The following PTPRT variants were observed in gnomAD, a reference collection of about 807,000 sequenced individuals.
PTPRT encodes the protein receptor-type tyrosine-protein phosphatase T.
PTPRT carries 56 observed loss-of-function variants against 176.8 expected under a neutral mutation model. That is an observed-to-expected ratio of 0.32 (90% CI 0.26 to 0.40). PTPRT has a LOEUF of 0.40. Ranked by LOEUF, PTPRT falls within the 10% of genes least tolerant of loss-of-function variation. The pLI is 1.00. For synonymous variants in PTPRT, 783 were observed against 739.0 expected (o/e 1.06, Z -0.96); for missense variants, 1,540 against 1,908.2 (o/e 0.81, Z 3.60).
At chr20:42,283,266 A>C (rs1208309227) in intron 12 of PTPRT, among the ~76,000 whole-genome samples, 2 of 152,148 alleles carry the variant, frequency 1.3e-5, no homozygotes, top group Non-Finnish European at 2.9e-5. Flanking sequence ...GAGGTCCTGG[A>C]ACCAGCTGAA....
intron 15 of PTPRT, among the ~76,000 whole-genome samples, chr20:42,234,417 C>T (rs1354745702): frequency 6.6e-6 from 1 of 152,216 alleles, no homozygotes; most frequent in Non-Finnish European, 1.5e-5. Flanking sequence ...AGCTCATTCT[C>T]TTTCCACCAT....
At chr20:43,084,006 T>A (rs2011536742) in intron 1 of PTPRT, among the ~76,000 whole-genome samples, 1 of 152,242 alleles carries the variant, frequency 6.6e-6, no homozygotes, top group Admixed American at 6.5e-5. Flanking sequence ...TTGCATTGGA[T>A]GGATGTGCCA....
At chr20:42,084,117 C>T (rs1983633633) in intron 29 of PTPRT, among the ~76,000 whole-genome samples, 1 of 152,198 alleles carries the variant, frequency 6.6e-6, no homozygotes, top group Non-Finnish European at 1.5e-5. Context: ...TTATAAAATT[C>T]AGTGATTTTC....
intron 9 of PTPRT, among the ~76,000 whole-genome samples, chr20:42,393,914 G>A (rs2058824606): frequency 6.6e-6 from 1 of 151,988 alleles, no homozygotes; most frequent in Non-Finnish European, 1.5e-5. Context: ...TTGCATGGAA[G>A]AGTCAGGGAA....
At chr20:42,813,973 T>C (rs1294017053) in intron 2 of PTPRT, among the ~76,000 whole-genome samples, 1 of 152,180 alleles carries the variant, frequency 6.6e-6, no homozygotes, top group Non-Finnish European at 1.5e-5. Context: ...GCTTTGTTTA[T>C]ACCCCCATCC....
the PTPRT span, among the ~76,000 whole-genome samples, chr20:42,041,146 C>T: frequency 6.6e-6 from 1 of 152,214 alleles, no homozygotes; most frequent in Non-Finnish European, 1.5e-5. Flanking sequence ...TTAACCAAGG[C>T]TCTGCTGTCC....
At chr20:42,667,490 G>C (rs1004612483) in intron 7 of PTPRT, among the ~76,000 whole-genome samples, 1 of 152,200 alleles carries the variant, frequency 6.6e-6, no homozygotes, top group Non-Finnish European at 1.5e-5. Context: ...TGACAGAGCT[G>C]TAAGAGTGAT....
At chr20:42,537,375 TATA>T (rs1313539305) in intron 7 of PTPRT, among the ~76,000 whole-genome samples, 3 of 152,212 alleles carry the variant, frequency 2.0e-5, no homozygotes, top group African/African-American at 4.8e-5. Flanking sequence ...TAAATGCAGT[TATA>T]ATCTGTCAGG....
At chr20:42,839,562 C>G (rs1319133498) in intron 2 of PTPRT, among the ~76,000 whole-genome samples, 1 of 152,116 alleles carries the variant, frequency 6.6e-6, no homozygotes, top group African/African-American at 2.4e-5. Context: ...AAAGCACTCA[C>G]TGTGTGCCAG....
chr20:43,189,494 C>T lies in PTPRT; in HGVS notation c.88+152G>A. On this transcript the variant is annotated intron_variant, in intron 1 of 30. Coordinates refer to ENST00000373187, the MANE Select transcript of PTPRT (RefSeq NM_007050.6). The surrounding 1 kb of genome is among the most constrained non-coding windows in gnomAD (Gnocchi z 5.0). ...CGGGGCGCGCGGGGACACTGCTTCC[C>T]GCGCCTGCAAGCTGAGACCCGGGTT... 2.4e-6 allele frequency: 1 copy of T among 410,974 alleles called. No individual in the cohort carries two copies. 25.5% of individuals were successfully genotyped at this position (410,974 alleles called of 1,614,324 possible). A position where few individuals can be genotyped will look rare whatever the true frequency, so the allele number is the denominator to read the frequency against.
intron 1 of PTPRT, among the ~76,000 whole-genome samples, chr20:42,963,124 G>C (rs1314364082): frequency 6.6e-6 from 1 of 152,072 alleles, no homozygotes; most frequent in Non-Finnish European, 1.5e-5. Flanking sequence ...GCGTGAACCC[G>C]GGAGGTGAAG....
chr20:42,497,829 T>C (rs1350897989), intron 7 of PTPRT, among the ~76,000 whole-genome samples: 1 of 152,194 alleles, frequency 6.6e-6, no homozygotes, highest in African/African-American at 2.4e-5. Flanking sequence ...GTGCAAGGTT[T>C]TCATGCATGC....
At position 42,987,952 on chromosome 20, in the gene PTPRT, G is replaced by A. The variant is rs138958401; in HGVS notation, c.89-102020C>T. Among the ~76,000 whole-genome samples, 20 of 152,232 alleles carry A rather than the reference G, an allele frequency of 1.3e-4. No individual in the cohort carries two copies. In the South Asian group the frequency reaches 2.3e-3, roughly 17 times the overall value. ...CCTCTTCACAGGACAGCTTGCCATT[G>A]CTTCCCTCTGAGCAAGGGATCCCAC... On this transcript the variant is annotated intron_variant, in intron 1 of 30. Coordinates refer to ENST00000373187, the MANE Select transcript of PTPRT (RefSeq NM_007050.6).
At chr20:42,215,775 G>C (rs1481299919) in intron 15 of PTPRT, among the ~76,000 whole-genome samples, 2 of 152,156 alleles carry the variant, frequency 1.3e-5, no homozygotes, top group Admixed American at 6.5e-5. Context: ...GAGACTCCTT[G>C]CAGCATCCCC....
At chr20:42,835,259 G>A (rs1337727190) in intron 2 of PTPRT, among the ~76,000 whole-genome samples, 1 of 152,132 alleles carries the variant, frequency 6.6e-6, no homozygotes, top group African/African-American at 2.4e-5. Context: ...CTTTTGAGGG[G>A]GAGTTGGAAA....
At chr20:42,139,003 T>C (rs2146404514) in intron 18 of PTPRT, among the ~76,000 whole-genome samples, 2 of 152,338 alleles carry the variant, frequency 1.3e-5, no homozygotes, top group African/African-American at 4.8e-5. Flanking sequence ...ATATTTCTAT[T>C]TATCAAGCCT....
intron 1 of PTPRT, among the ~76,000 whole-genome samples, chr20:42,902,056 CA>C (rs1460198819): frequency 6.6e-6 from 1 of 152,076 alleles, no homozygotes; most frequent in Non-Finnish European, 1.5e-5. Context: ...GGCCTGAAGG[CA>C]ATCTAATAGC....
At chr20:42,777,432 C>T (rs1425755550) in intron 4 of PTPRT, among the ~76,000 whole-genome samples, 2 of 152,124 alleles carry the variant, frequency 1.3e-5, no homozygotes, top group African/African-American at 2.4e-5. Flanking sequence ...GAGTCCCAGC[C>T]CAGGTCACAT....
At chr20:43,147,301 C>T (rs2014197267) in intron 1 of PTPRT, among the ~76,000 whole-genome samples, 1 of 152,154 alleles carries the variant, frequency 6.6e-6, no homozygotes, top group South Asian at 2.1e-4. Context: ...TCAGTTTCCT[C>T]ATCAGCAAAA....
Sources: gnomAD v4.1 joint callset for allele counts (sites outside exome capture counted in the v4.1 genomes callset) on GRCh38, gnomAD v4.1.1 for gene constraint, Gnocchi (gnomAD v3.1) non-coding constraint, MANE v1.5 for transcripts, NCBI Gene and HGNC (gene_info 2026-07-23, HGNC 2026-07-21) for gene names.